JADE3: variants seen among roughly 807,000 people sequenced by gnomAD.
JADE3 encodes protein Jade-3.
JADE3 carries 2 observed loss-of-function variants against 50.1 expected under a neutral mutation model. The ratio of observed to expected loss-of-function variants is 0.04; its 90% CI spans 0.02 to 0.13. The LOEUF (loss-of-function observed/expected upper bound fraction) is 0.13. Among genes scored for constraint, JADE3 ranks in the 10% least tolerant of loss-of-function variants. The pLI, the probability that JADE3 is intolerant of heterozygous loss-of-function variation, is 1.00. For synonymous variants in JADE3, 218 were observed against 232.9 expected, an observed-to-expected ratio of 0.94 and a Z score of 0.58; for missense variants, 475 against 634.4, an observed-to-expected ratio of 0.75 and a Z score of 2.70.
At chrX:47,037,511 G>A (rs187390331) in intron 7 of JADE3, among the ~76,000 whole-genome samples, 5 of 112,112 alleles carry the variant, frequency 4.5e-5, no homozygotes, top group South Asian at 3.7e-4. Flanking sequence ...TTGGCTGGGC[G>A]CAGTGGCTCA....
At chrX:46,976,265 G>A (rs1192418278) in intron 1 of JADE3, among the ~76,000 whole-genome samples, 2 of 111,484 alleles carry the variant, frequency 1.8e-5, no homozygotes, top group African/African-American at 6.5e-5. Context: ...ATGTTCTTCC[G>A]TGGGAATATT....
chrX:47,057,903 CTAGT>C (rs1162562217), intron 10 of JADE3, among the ~76,000 whole-genome samples: 2 of 111,666 alleles, frequency 1.8e-5, no homozygotes, highest in African/African-American at 6.5e-5. Context: ...AGGCAACACA[CTAGT>C]TTGTGATCAT....
At chrX:46,920,679 G>A (rs1359270050) in intron 1 of JADE3, among the ~76,000 whole-genome samples, 5 of 112,531 alleles carry the variant, frequency 4.4e-5, no homozygotes, top group African/African-American at 9.7e-5. Context: ...GTGATTCCAC[G>A]TATGGATGTC....
intron 4 of JADE3, among the ~76,000 whole-genome samples, chrX:47,014,551 A>T (rs1269134695): frequency 2.7e-5 from 3 of 112,115 alleles, no homozygotes; most frequent in African/African-American, 9.7e-5. Flanking sequence ...CTTCAGTTTT[A>T]GCCAAATTCC....
intron 4 of JADE3, among the ~76,000 whole-genome samples, chrX:47,001,121 T>C (rs1928275171): frequency 8.9e-6 from 1 of 112,088 alleles, no homozygotes; most frequent in African/African-American, 3.2e-5. Flanking sequence ...AATCCTTAAC[T>C]GGTTGCTCTT....
At position 47,058,145 on chromosome X, in the gene JADE3, G is replaced by A. The variant is rs782758808; in HGVS notation, c.1562-22G>A. ...CATTATTTAAATCGGTTGTTAAAAC[G>A]AATCTTTCTTTTTTATCTCAGGGCT... On this transcript the variant is annotated intron_variant, in intron 10 of 10. Coordinates refer to ENST00000614628, the MANE Select transcript of JADE3 (RefSeq NM_014735.5). The A allele has an allele frequency of 1.4e-5, 17 of 1,176,359 alleles. No individual in the cohort carries two copies. The Admixed American group carries it at 2.1e-4, about 15-fold the overall frequency.
intron 1 of JADE3, among the ~76,000 whole-genome samples, chrX:46,954,054 GC>G (rs1437478088): frequency 1.8e-5 from 2 of 111,965 alleles, no homozygotes; most frequent in East Asian, 5.6e-4. Flanking sequence ...TTAAGTGCTT[GC>G]ATTTGAAGGA....
At chrX:47,055,008 C>T (rs183828904) in intron 9 of JADE3, among the ~76,000 whole-genome samples, 11 of 111,280 alleles carry the variant, frequency 9.9e-5, no homozygotes, top group African/African-American at 3.6e-4. Context: ...AAACTTGGCA[C>T]TGTTGACATT....
At chrX:47,022,525 A>G (rs983336220) in intron 4 of JADE3, among the ~76,000 whole-genome samples, 6 of 111,888 alleles carry the variant, frequency 5.4e-5, no homozygotes, top group Non-Finnish European at 9.4e-5. Context: ...AGGGTGGACT[A>G]TGCCTGTATA....
chrX:47,016,621 A>C (rs1401674719), intron 4 of JADE3, among the ~76,000 whole-genome samples: 1 of 111,724 alleles, frequency 9.0e-6, no homozygotes, highest in Non-Finnish European at 1.9e-5. Context: ...ATTTCTCAAT[A>C]AAAGGCATAT....
At chrX:46,984,693 A>C (rs1357209841) in intron 1 of JADE3, among the ~76,000 whole-genome samples, 191 bp from the exon 2 acceptor site, 1 of 112,178 alleles carries the variant, frequency 8.9e-6, no homozygotes, top group Non-Finnish European at 1.9e-5. Context: ...AGTCTTTGAC[A>C]TGCTTTGTAT....
intron 4 of JADE3, among the ~76,000 whole-genome samples, chrX:47,015,693 A>C: frequency 9.3e-6 from 1 of 107,918 alleles, no homozygotes; most frequent in East Asian, 2.9e-4. Flanking sequence ...CATTTGTTAT[A>C]GCAAACATCC....
At chrX:47,036,697 T>A in intron 7 of JADE3, among the ~76,000 whole-genome samples, 1 of 83,513 alleles carries the variant, frequency 1.2e-5, no homozygotes, top group East Asian at 3.6e-4. Context: ...TAGCAAAGAC[T>A]TGGAACCAAC....
At chrX:46,996,801 C>T (rs1928138869) in intron 3 of JADE3, among the ~76,000 whole-genome samples, 1 of 112,285 alleles carries the variant, frequency 8.9e-6, no homozygotes, top group Non-Finnish European at 1.9e-5. Flanking sequence ...AACTTAATTA[C>T]ATCTGCAAAG....
intron 4 of JADE3, among the ~76,000 whole-genome samples, chrX:47,009,247 A>G (rs1434541888): frequency 9.0e-6 from 1 of 110,991 alleles, no homozygotes; most frequent in Non-Finnish European, 1.9e-5. Context: ...GCTTGAGCCT[A>G]GGAGGTTGAG....
chrX:46,937,180 C>T (rs1479079473), intron 1 of JADE3, among the ~76,000 whole-genome samples: 1 of 111,719 alleles, frequency 9.0e-6, no homozygotes, highest in African/African-American at 3.2e-5. Context: ...GAAAGTTTCT[C>T]TTTGATTCGT....
chrX:46,956,015 T>G, intron 1 of JADE3, among the ~76,000 whole-genome samples: 1 of 112,000 alleles, frequency 8.9e-6, no homozygotes, highest in South Asian at 3.7e-4. Flanking sequence ...AGCTATCTAT[T>G]TTCCTACTTC....
At chrX:46,963,106 G>A (rs1556348207) in intron 1 of JADE3, among the ~76,000 whole-genome samples, 1 of 111,656 alleles carries the variant, frequency 9.0e-6, no homozygotes, top group African/African-American at 3.3e-5. Flanking sequence ...CAAAGTGCTG[G>A]GATTATAGGG....
Position 47,056,126 on chromosome X carries a change from G to A in JADE3, c.1488G>A (p.Lys496=), listed in dbSNP as rs1556373357. 1 of 1,209,036 alleles carries A rather than the reference G, an allele frequency of 8.3e-7. No homozygotes were observed. The highest frequency in any genetic ancestry group is 2.2e-5 in the Admixed American group (1 of 45,972). ...CYMISRREKL[K]LSHNKIQEQI... is the part of the protein sequence containing the mutation. Reference sequence around the variant, plus strand: ...TGATAAGCAGACGAGAGAAGCTGAAGCTGTCACACAACAAAATACAGGAAC... The same window carrying A: ...TGATAAGCAGACGAGAGAAGCTGAAACTGTCACACAACAAAATACAGGAAC... The change falls in exon 10 of 11, where the codon AAG becomes AAA. Residue 496 remains lysine, a synonymous_variant. Coordinates refer to ENST00000614628, the MANE Select transcript of JADE3 (RefSeq NM_014735.5).
Sources: gnomAD v4.1 joint callset for allele counts (sites outside exome capture counted in the v4.1 genomes callset) on GRCh38, gnomAD v4.1.1 for gene constraint, MANE v1.5 for transcripts, NCBI Gene and HGNC (gene_info 2026-07-23, HGNC 2026-07-21) for gene names.